The following MICALL1 variants were observed in gnomAD, a reference collection of about 807,000 sequenced individuals.
MICALL1 encodes the protein MICAL like 1, also known as MICAL-like protein 1.
A neutral mutation model predicts 83.7 loss-of-function variants in MICALL1; 61 were observed. The ratio of observed to expected loss-of-function variants is 0.73; its 90% CI spans 0.59 to 0.90. MICALL1 has a LOEUF of 0.90. Among genes scored for constraint, MICALL1 ranks in the 40% least tolerant of loss-of-function variants. The probability of loss-of-function intolerance (pLI) is 0.00; values close to 1 mark genes in which losing one functional copy is unlikely to be tolerated. For synonymous variants in MICALL1, 481 were observed against 473.6 expected (o/e 1.02, Z -0.20); for missense variants, 1,066 against 1,152.0 (o/e 0.93, Z 1.08).
chr22:37,920,460 G>A (rs1050127266), intron 5 of MICALL1, among the ~76,000 whole-genome samples: 3 of 151,860 alleles, frequency 2.0e-5, no homozygotes, highest in African/African-American at 7.3e-5. Flanking sequence ...CTGGCTACCA[G>A]GGCAGTGTTT....
At position 37,922,386 on chromosome 22, in the gene MICALL1, G is replaced by C; in HGVS notation, c.984G>C (p.Glu328Asp). The C allele has an allele frequency of 6.5e-7, 1 of 1,534,646 alleles. No homozygotes were observed. The highest frequency in any genetic ancestry group is 1.2e-5 in the South Asian group (1 of 82,726). ...TPRPRSSLQQ[E>D]NLVEQAGSSS... ...GGCCCCGCTCCAGTCTGCAGCAGGA[G>C]AACCTGGTGGAGCAGGCTGGCAGCA... is the stretch of plus-strand genomic sequence containing the variant. Residue 328 changes from glutamate to aspartate, a missense_variant, in exon 6 of 16, where the codon GAG (glutamate) becomes GAC (aspartate). By Grantham distance (45) the Glu-to-Asp change is conservative (BLOSUM62 2). Transcript: ENST00000215957.
rs1225197036 is a variant in MICALL1 at position 37,932,015 on chromosome 22, C to CT, written c.2016+83dup. On this transcript the variant is annotated intron_variant, in intron 10 of 15. Coordinates refer to ENST00000215957, the MANE Select transcript of MICALL1 (RefSeq NM_033386.4). The surrounding 1 kb of genome is among the most constrained non-coding windows in gnomAD (Gnocchi z 4.4). ...GCAGCTGCAGTCTTCCCCTGGGACT[C>CT]TAAGGAGGCTGGCTGGCTAGGCAGT... 6 of 1,543,068 alleles carry CT rather than the reference C, an allele frequency of 3.9e-6. No individual in the cohort carries two copies. In the South Asian group the frequency reaches 6.0e-5, roughly 16 times the overall value.
Position 37,937,778 on chromosome 22 carries a change from T to A in MICALL1, c.2456T>A (p.Met819Lys). 6.2e-7 allele frequency: 1 copy of A among 1,613,574 alleles called. No homozygotes were observed. The highest frequency in any genetic ancestry group is 8.5e-7 in the Non-Finnish European group (1 of 1,179,666). ...EEEEDKMLEA[M>K]IKKKEFQREA... is the part of the protein sequence containing the mutation. ...GAGGAAGACAAGATGTTGGAAGCCA[T>A]GATCAAGAAGAAAGGTGAGGCCCTT... The change falls in exon 15 of 16, where the codon ATG becomes AAG. Residue 819 changes from methionine (M) to lysine (K), a missense_variant. Physicochemically the swap from Met to Lys is moderately conservative, Grantham distance 95. Coordinates refer to ENST00000215957, the MANE Select transcript of MICALL1 (RefSeq NM_033386.4).
chr22:37,922,786 G>GTTTTTTTT (rs199591185), intron 6 of MICALL1, among the ~76,000 whole-genome samples: 1 of 83,998 alleles, frequency 1.2e-5, no homozygotes, highest in African/African-American at 4.4e-5. Flanking sequence ...ATTTTGTTTT[G>GTTTTTTTT]TTTTTTTTTG....
At chr22:37,909,144 C>T (rs1022642421) in intron 1 of MICALL1, among the ~76,000 whole-genome samples, 2 of 151,308 alleles carry the variant, frequency 1.3e-5, no homozygotes, top group Non-Finnish European at 2.9e-5. Context: ...CCTCTGCCTC[C>T]CGGATTCAAG....
At chr22:37,938,032 G>A (rs1275426831) in intron 15 of MICALL1, among the ~76,000 whole-genome samples, 3 of 152,156 alleles carry the variant, frequency 2.0e-5, no homozygotes, top group South Asian at 2.1e-4. Context: ...CTACAGAGAC[G>A]ACTGTGGTAT....
chr22:37,917,415 T>TG (rs989508059), intron 3 of MICALL1, among the ~76,000 whole-genome samples: 9 of 152,178 alleles, frequency 5.9e-5, no homozygotes, highest in Non-Finnish European at 1.3e-4. Context: ...ACGCGGGTGC[T>TG]GTGTTCTGTG....
chr22:37,913,411 G>T (rs1291906966), intron 3 of MICALL1, among the ~76,000 whole-genome samples: 1 of 152,198 alleles, frequency 6.6e-6, no homozygotes, highest in Non-Finnish European at 1.5e-5. Flanking sequence ...GACACAGCAG[G>T]TTGCGTTCAT....
At chr22:37,908,104 G>A (rs947596420) in intron 1 of MICALL1, among the ~76,000 whole-genome samples, 1 of 152,098 alleles carries the variant, frequency 6.6e-6, no homozygotes, top group Non-Finnish European at 1.5e-5. Context: ...AGGCCGCCTG[G>A]TTTGTGTTTA....
intron 13 of MICALL1, among the ~76,000 whole-genome samples, chr22:37,936,878 T>A (rs1453423603): frequency 6.7e-6 from 1 of 148,784 alleles, no homozygotes; most frequent in African/African-American, 2.5e-5. Flanking sequence ...GGCGACAGAG[T>A]GAGACTCCGT....
chr22:37,914,563 T>C (rs1258638608), intron 3 of MICALL1, among the ~76,000 whole-genome samples: 1 of 151,368 alleles, frequency 6.6e-6, no homozygotes, highest in Non-Finnish European at 1.5e-5. Context: ...TGTATATATA[T>C]ACATGCATAT....
intron 1 of MICALL1, among the ~76,000 whole-genome samples, chr22:37,910,843 C>T (rs1175748104): frequency 6.6e-6 from 1 of 152,186 alleles, no homozygotes; most frequent in East Asian, 1.9e-4. Context: ...AGTGCTTTTC[C>T]TGATTTGCAC....
intron 1 of MICALL1, among the ~76,000 whole-genome samples, chr22:37,909,593 C>T (rs1194556397): frequency 1.4e-5 from 2 of 148,004 alleles, no homozygotes; most frequent in Non-Finnish European, 3.0e-5. Flanking sequence ...CTCCTGACCT[C>T]GTGATCCACC....
intron 3 of MICALL1, among the ~76,000 whole-genome samples, 153 bp downstream of exon 3, chr22:37,912,645 CT>C (rs915090168): frequency 2.8e-4 from 40 of 144,270 alleles, no homozygotes; most frequent in East Asian, 6.0e-4. Context: ...TGAAATATTT[CT>C]TTTTTTTTTT....
At chr22:37,929,038 G>C (rs1569146210) in intron 9 of MICALL1, among the ~76,000 whole-genome samples, 1 of 152,116 alleles carries the variant, frequency 6.6e-6, no homozygotes, top group Non-Finnish European at 1.5e-5. Context: ...TAGGAGAATT[G>C]CTTGAACCTG....
chr22:37,919,019 C>G lies in MICALL1; in HGVS notation c.427-17C>G. 3 of 1,535,170 alleles carry G rather than the reference C, an allele frequency of 2.0e-6. No homozygotes were observed. Among genetic ancestry groups the G allele is most frequent in the African/African-American group, 1.4e-5 (1 of 72,812 alleles). The stretch of plus-strand genomic sequence containing the variant: ...ACCATGTCCTGCTCCCAACCTCCCC[C>G]ACCTCGTTCTCTGCAGGGCGAGGAG... On this transcript the variant is annotated splice_polypyrimidine_tract_variant and intron_variant, in intron 4 of 15. Coordinates refer to ENST00000215957, the MANE Select transcript of MICALL1 (RefSeq NM_033386.4).
Position 37,906,351 on chromosome 22 carries a change from C to G in MICALL1, c.-72C>G. ...CGCAGCCGCAGCCGGAAACCGGGCC[C>G]GCGCGGCGGCCGCCGTCCCGGCCAA... On this transcript the variant is annotated 5_prime_UTR_variant, in exon 1 of 16. Transcript: ENST00000215957. The surrounding 1 kb of genome is among the most constrained non-coding windows in gnomAD (Gnocchi z 4.4). 2.0e-6 allele frequency: 2 copies of G among 988,584 alleles called. No individual in the cohort carries two copies. Among genetic ancestry groups the G allele is most frequent in the Non-Finnish European group, 1.2e-6 (1 of 829,170 alleles). 61.2% of individuals were successfully genotyped at this position (988,584 alleles called of 1,614,324 possible).
intron 14 of MICALL1, 53 bp downstream of exon 14, chr22:37,937,247 C>T: frequency 7.2e-7 from 1 of 1,397,808 alleles, no homozygotes. Context: ...GCAGGTCAGG[C>T]TCTGGGCCTC....
chr22:37,908,667 A>G (rs1247858155), intron 1 of MICALL1, among the ~76,000 whole-genome samples: 3 of 152,134 alleles, frequency 2.0e-5, no homozygotes, highest in Admixed American at 2.0e-4. Flanking sequence ...TCTGTGCTGG[A>G]CACTGTACCT....
Sources: allele counts gnomAD v4.1 joint callset (sites outside exome capture counted in the v4.1 genomes callset), GRCh38; gene constraint gnomAD v4.1.1; non-coding constraint Gnocchi (gnomAD v3.1); transcripts MANE v1.5; gene names NCBI Gene and HGNC (gene_info 2026-07-23, HGNC 2026-07-21).